Variants in GRB14 observed in about 807,000 individuals in gnomAD.
GRB14 encodes the protein growth factor receptor-bound protein 14.
A neutral mutation model predicts 69.1 loss-of-function variants in GRB14; 38 were observed. The ratio of observed to expected loss-of-function variants is 0.55; its 90% CI spans 0.42 to 0.72. The LOEUF is 0.72. Among genes scored for constraint, GRB14 ranks in the 30% least tolerant of loss-of-function variants. The probability of loss-of-function intolerance (pLI) is 0.00; values close to 1 mark genes in which losing one functional copy is unlikely to be tolerated. For missense variants in GRB14, 666 were observed against 666.1 expected, an observed-to-expected ratio of 1.00 and a Z score of 0.00; for synonymous variants, 247 against 241.3, an observed-to-expected ratio of 1.02 and a Z score of -0.22.
At chr2:164,515,340 T>G (rs1687453899) in intron 6 of GRB14, among the ~76,000 whole-genome samples, 1 of 152,204 alleles carries the variant, frequency 6.6e-6, no homozygotes, top group Non-Finnish European at 1.5e-5. Context: ...CTGGAGCAGC[T>G]GCTGGTATCC....
intron 2 of GRB14, among the ~76,000 whole-genome samples, chr2:164,602,742 C>A (rs1282098646): frequency 6.6e-6 from 1 of 152,206 alleles, no homozygotes; most frequent in African/African-American, 2.4e-5. Flanking sequence ...CAACTGATCC[C>A]TATTGCCCCC....
At chr2:164,495,502 C>T (rs1470850703) in intron 12 of GRB14, among the ~76,000 whole-genome samples, 2 of 152,238 alleles carry the variant, frequency 1.3e-5, no homozygotes, top group Non-Finnish European at 2.9e-5. Context: ...CCTCTAACAG[C>T]CTAAGAGAAA....
chr2:164,551,077 A>G (rs1383860042), intron 2 of GRB14, among the ~76,000 whole-genome samples: 3 of 152,220 alleles, frequency 2.0e-5, no homozygotes, highest in Non-Finnish European at 4.4e-5. Flanking sequence ...AAGTATTTAT[A>G]TGATAGAAAC....
intron 3 of GRB14, among the ~76,000 whole-genome samples, chr2:164,537,024 G>C (rs974717566): frequency 1.3e-5 from 2 of 152,092 alleles, no homozygotes; most frequent in Non-Finnish European, 2.9e-5. Flanking sequence ...ATCATCTCAA[G>C]GAACAGCCCT....
rs1574323351 is a variant in GRB14, at chr2:164,574,106, A to G, written c.325-26290T>C. ...TGGTTTTACCAGCTCATCATACTCT[A>G]CTATGAATTTTCACTTCCTTAAGTA... On this transcript the variant is annotated intron_variant, in intron 2 of 13. Transcript: ENST00000263915. The G allele has an allele frequency of 5.4e-6, 4 of 736,838 alleles. No homozygotes were observed. The East Asian group carries it at 8.0e-5, about 15-fold the overall frequency. 45.6% of individuals were successfully genotyped at this position (736,838 alleles called of 1,614,324 possible).
chr2:164,503,442 C>CAAAAAAAAAA (rs148268784), intron 8 of GRB14, among the ~76,000 whole-genome samples: 2 of 92,258 alleles, frequency 2.2e-5, no homozygotes, highest in Non-Finnish European at 3.6e-5. Flanking sequence ...GGTAATTAGG[C>CAAAAAAAAAA]AAAAAAAAAA....
rs374507050 is a variant in GRB14 at position 164,497,382 on chromosome 2, C to T, written c.1213G>A (p.Ala405Thr). 1.2e-5 allele frequency: 20 copies of T among 1,612,158 alleles called. No individual in the cohort carries two copies. The highest frequency in any genetic ancestry group is 3.3e-4 in the Middle Eastern group (2 of 6,070). The change falls in exon 10 of 14, where the codon GCT becomes ACT. Residue 405 changes from alanine to threonine, a missense_variant. By Grantham distance (58) the Ala-to-Thr change is moderately conservative. Coordinates refer to ENST00000263915, the MANE Select transcript of GRB14 (RefSeq NM_004490.3). Reference protein sequence around the residue: ...ALSVAVEEGLAWRKKGCLRLG... With the variant: ...ALSVAVEEGLTWRKKGCLRLG... ...TGTGAAGCTACTTGTACCCTCCAAG[C>T]GAGTCCTTCTTCAACCGCAACTGAA...
intron 2 of GRB14, among the ~76,000 whole-genome samples, chr2:164,575,789 T>C (rs1689237359): frequency 6.6e-6 from 1 of 152,142 alleles, no homozygotes; most frequent in African/African-American, 2.4e-5. Context: ...AACAGAAATA[T>C]AAACTTTTCT....
At chr2:164,579,033 T>A (rs185297673) in intron 2 of GRB14, among the ~76,000 whole-genome samples, 11,538 of 151,060 alleles carry the variant, frequency 0.076, 1,397 homozygotes, top group African/African-American at 0.26. Flanking sequence ...GTGTCCAATT[T>A]AAAAAAAAAC....
At chr2:164,574,084 T>C (rs1225129056) in intron 2 of GRB14, 1 of 861,302 alleles carries the variant, frequency 1.2e-6, no homozygotes, top group East Asian at 2.6e-5. Flanking sequence ...GAAACTCTGG[T>C]TTTACCAGCT....
At chr2:164,620,388 G>A (rs1476573678) in intron 1 of GRB14, among the ~76,000 whole-genome samples, 5 of 151,768 alleles carry the variant, frequency 3.3e-5, no homozygotes, top group South Asian at 2.1e-4. Flanking sequence ...TTTTTCAAGC[G>A]CTTATAGATA....
At chr2:164,516,569 C>T (rs1687493017) in intron 6 of GRB14, among the ~76,000 whole-genome samples, 1 of 151,800 alleles carries the variant, frequency 6.6e-6, no homozygotes, top group South Asian at 2.1e-4. Context: ...GGATTGGGGC[C>T]CTATCTTTAG....
At chr2:164,617,742 C>A (rs764433970) in intron 2 of GRB14, among the ~76,000 whole-genome samples, 2 of 152,078 alleles carry the variant, frequency 1.3e-5, no homozygotes, top group African/African-American at 4.8e-5. Context: ...AGGCTCCACC[C>A]GCTACCACAA....
intron 2 of GRB14, among the ~76,000 whole-genome samples, chr2:164,588,507 G>C (rs912146284): frequency 1.3e-5 from 2 of 152,118 alleles, no homozygotes; most frequent in African/African-American, 2.4e-5. Flanking sequence ...TAGGTGGAGA[G>C]AGAAAAGTAC....
At chr2:164,545,558 C>A (rs1255068027) in intron 3 of GRB14, among the ~76,000 whole-genome samples, 1 of 152,174 alleles carries the variant, frequency 6.6e-6, no homozygotes, top group Non-Finnish European at 1.5e-5. Context: ...AGAGGACACA[C>A]ATCCCTGACG....
chr2:164,591,675 T>C (rs567725653), intron 2 of GRB14, among the ~76,000 whole-genome samples: 2 of 152,246 alleles, frequency 1.3e-5, no homozygotes, highest in South Asian at 4.2e-4. Context: ...TCCTCACTAA[T>C]CCTCAAGAAC....
At chr2:164,584,473 T>C (rs1474150606) in intron 2 of GRB14, among the ~76,000 whole-genome samples, 1 of 152,020 alleles carries the variant, frequency 6.6e-6, no homozygotes, top group Non-Finnish European at 1.5e-5. Flanking sequence ...CTTTTCCATT[T>C]ATAAGAAGAA....
chr2:164,508,829 G>C lies in GRB14; in HGVS notation c.840C>G (p.Phe280Leu). The part of the protein sequence containing the change: ...TSKEPRHLQF[F>L]SEFGNSDIYV... ...AAATATCACTATTGCCAAATTCGCTGAAAAACTGCAAATGCCGCGGTTCCT... is the reference window on the plus strand; with the variant it reads ...AAATATCACTATTGCCAAATTCGCTCAAAAACTGCAAATGCCGCGGTTCCT... Residue 280 changes from phenylalanine (F) to leucine (L), a missense_variant, in exon 7 of 14, where the codon TTC (phenylalanine) becomes TTG (leucine). Coordinates refer to ENST00000263915, the MANE Select transcript of GRB14 (RefSeq NM_004490.3). 1 of 1,573,548 alleles carries C rather than the reference G, an allele frequency of 6.4e-7. No individual in the cohort carries two copies. The highest frequency in any genetic ancestry group is 8.6e-7 in the Non-Finnish European group (1 of 1,166,248).
intron 2 of GRB14, among the ~76,000 whole-genome samples, chr2:164,565,711 G>A (rs16849594): frequency 1.3e-5 from 2 of 152,106 alleles, no homozygotes; most frequent in African/African-American, 2.4e-5. Flanking sequence ...CATGAGGAAC[G>A]TTCTTCACCA....
Sources: allele counts gnomAD v4.1 joint callset (sites outside exome capture counted in the v4.1 genomes callset), GRCh38; gene constraint gnomAD v4.1.1; transcripts MANE v1.5; gene names NCBI Gene and HGNC (gene_info 2026-07-23, HGNC 2026-07-21).